The following PGAP1 variants were observed in gnomAD, a reference collection of about 807,000 sequenced individuals.
PGAP1 encodes post-GPI attachment to proteins inositol deacylase 1, also known as GPI inositol-deacylase.
Under a neutral mutation model 127.0 loss-of-function variants are expected in PGAP1, and 76 were observed. The ratio of observed to expected loss-of-function variants is 0.60; its 90% CI spans 0.50 to 0.72. PGAP1 has a LOEUF of 0.72. Ranked by LOEUF, PGAP1 falls within the 30% of genes least tolerant of loss-of-function variation. The pLI is 0.00. For synonymous variants in PGAP1, 362 were observed against 366.5 expected (o/e 0.99, Z 0.14); for missense variants, 982 against 1,071.3 (o/e 0.92, Z 1.16).
chr2:196,849,289 G>C (rs1284194526), intron 20 of PGAP1, among the ~76,000 whole-genome samples: 2 of 137,120 alleles, frequency 1.5e-5, no homozygotes, highest in African/African-American at 2.7e-5. Context: ...TTTTTATAAA[G>C]AGTCTCATTC....
At chr2:196,893,381 A>C (rs1347327750) in intron 7 of PGAP1, 136 bp from the exon 8 acceptor site, 10 of 398,418 alleles carry the variant, frequency 2.5e-5, no homozygotes, top group African/African-American at 6.3e-5. Flanking sequence ...CTGTACATAA[A>C]CTCACTCAAT....
intron 4 of PGAP1, among the ~76,000 whole-genome samples, chr2:196,906,881 C>A (rs879380811): frequency 9.3e-6 from 1 of 107,388 alleles, no homozygotes; most frequent in Admixed American, 9.5e-5. Flanking sequence ...TGAAATGAAG[C>A]GAGAAGGGAA....
intron 5 of PGAP1, among the ~76,000 whole-genome samples, chr2:196,899,407 T>C (rs1576175321): frequency 6.6e-6 from 1 of 152,352 alleles, no homozygotes; most frequent in South Asian, 2.1e-4. Context: ...CTTGATGAAC[T>C]TGTAAGTACT....
chr2:196,897,633 A>G (rs1202018669), intron 6 of PGAP1, among the ~76,000 whole-genome samples: 1 of 152,174 alleles, frequency 6.6e-6, no homozygotes, highest in South Asian at 2.1e-4. Flanking sequence ...TCTAATCCCT[A>G]CTTGGTTTTC....
intron 20 of PGAP1, among the ~76,000 whole-genome samples, chr2:196,860,610 AGG>A: frequency 6.6e-6 from 1 of 152,238 alleles, no homozygotes; most frequent in Non-Finnish European, 1.5e-5. Context: ...AATTATATCT[AGG>A]AATAAATGTA....
At chr2:196,886,908 G>C (rs896775829) in intron 10 of PGAP1, among the ~76,000 whole-genome samples, 3 of 151,920 alleles carry the variant, frequency 2.0e-5, no homozygotes, top group Non-Finnish European at 2.9e-5. Context: ...ATGTTGGCCA[G>C]GATGGTCTCC....
At chr2:196,894,502 C>G (rs1239788776) in intron 7 of PGAP1, among the ~76,000 whole-genome samples, 1 of 152,132 alleles carries the variant, frequency 6.6e-6, no homozygotes, top group Non-Finnish European at 1.5e-5. Flanking sequence ...AATGTTACAG[C>G]CTGTCTATCA....
At chr2:196,900,322 T>C (rs1302892918) in intron 5 of PGAP1, among the ~76,000 whole-genome samples, 1 of 152,228 alleles carries the variant, frequency 6.6e-6, no homozygotes, top group African/African-American at 2.4e-5. Context: ...TTAAGTGTCA[T>C]TATCTGTGTG....
chr2:196,913,097 T>G (rs1702887091), intron 3 of PGAP1, 44 bp from the exon 4 acceptor site: 2 of 1,538,960 alleles, frequency 1.3e-6, no homozygotes, highest in Middle Eastern at 1.7e-4. Flanking sequence ...CTTTGTATCA[T>G]TTTTAAAATA....
At chr2:196,863,874 G>A (rs1158393195) in intron 20 of PGAP1, among the ~76,000 whole-genome samples, 1 of 151,950 alleles carries the variant, frequency 6.6e-6, no homozygotes, top group African/African-American at 2.4e-5. Flanking sequence ...CCAGTGCCCT[G>A]CCAGGATGAC....
At chr2:196,881,006 T>G (rs1270618848) in intron 12 of PGAP1, among the ~76,000 whole-genome samples, 1 of 152,170 alleles carries the variant, frequency 6.6e-6, no homozygotes, top group Admixed American at 6.5e-5. Context: ...TTTTTCCTGA[T>G]TCTCTTCCTC....
intron 12 of PGAP1, 26 bp from the exon 13 acceptor site, chr2:196,880,179 TTTTA>T: frequency 3.0e-6 from 4 of 1,331,584 alleles, no homozygotes; most frequent in Non-Finnish European, 4.1e-6. Flanking sequence ...AAGAAACTAC[TTTTA>T]TTTCTTAGAG....
chr2:196,869,454 C>A (rs1484857094), intron 19 of PGAP1, among the ~76,000 whole-genome samples: 3 of 152,140 alleles, frequency 2.0e-5, no homozygotes, highest in Non-Finnish European at 4.4e-5. Flanking sequence ...CCTGCCTCAG[C>A]CTCCCCAGTA....
intron 7 of PGAP1, among the ~76,000 whole-genome samples, chr2:196,896,708 T>C (rs908765587): frequency 1.3e-5 from 2 of 150,676 alleles, no homozygotes; most frequent in African/African-American, 4.9e-5. Flanking sequence ...TGCACATACA[T>C]AGTCCCAGCT....
chr2:196,845,765 T>C, intron 23 of PGAP1, 117 bp downstream of exon 23: 1 of 710,830 alleles, frequency 1.4e-6, no homozygotes, highest in African/African-American at 1.8e-5. Context: ...ACCCGTTATG[T>C]AACAGAGGGT....
rs1700143091 is a variant in PGAP1 at position 196,833,208 on chromosome 2, G to A, written c.*8026C>T. On this transcript the variant is annotated 3_prime_UTR_variant, in exon 27 of 27. Coordinates refer to ENST00000354764, the MANE Select transcript of PGAP1 (RefSeq NM_024989.4). Reference sequence around the variant, plus strand: ...CAGAATATAGTAAGTAGTACTTTTTGTGAATTACAATCACATAAATGTAAT... The same window carrying A: ...CAGAATATAGTAAGTAGTACTTTTTATGAATTACAATCACATAAATGTAAT... 6.6e-6 allele frequency: 1 copy of A among 152,350 alleles called. No individual in the cohort carries two copies. Among genetic ancestry groups the A allele is most frequent in the South Asian group, 2.1e-4 (1 of 4,826 alleles). The allele number at this position is 152,350 out of a possible 1,614,324, so 9.4% of individuals were successfully genotyped here.
At chr2:196,899,821 G>C (rs1211487445) in intron 5 of PGAP1, among the ~76,000 whole-genome samples, 3 of 152,188 alleles carry the variant, frequency 2.0e-5, no homozygotes, top group African/African-American at 7.2e-5. Context: ...ATCACCTGAG[G>C]TCAGGAGTTG....
At chr2:196,842,187 G>A (rs1052871604) in intron 26 of PGAP1, among the ~76,000 whole-genome samples, 6 of 152,112 alleles carry the variant, frequency 3.9e-5, no homozygotes, top group Admixed American at 2.6e-4. Flanking sequence ...GTTAAGAAAT[G>A]TAACTAAAGA....
At chr2:196,888,654 A>G (rs1701995827) in intron 10 of PGAP1, among the ~76,000 whole-genome samples, 1 of 152,138 alleles carries the variant, frequency 6.6e-6, no homozygotes, top group Non-Finnish European at 1.5e-5. Flanking sequence ...TATTTATTAT[A>G]AAAGAGACAT....
Sources: gnomAD v4.1 joint callset for allele counts (sites outside exome capture counted in the v4.1 genomes callset) on GRCh38, gnomAD v4.1.1 for gene constraint, MANE v1.5 for transcripts, NCBI Gene and HGNC (gene_info 2026-07-23, HGNC 2026-07-21) for gene names.